Variants in CFAP300 observed in about 807,000 individuals in gnomAD.
CFAP300 encodes the protein cilia- and flagella-associated protein 300.
In CFAP300, 32 loss-of-function variants were observed where a neutral mutation model predicts 33.0. The observed-to-expected ratio is 0.97, with a 90% CI of 0.73 to 1.30. The LOEUF (loss-of-function observed/expected upper bound fraction) is 1.30. Ranked by LOEUF, CFAP300 falls within the 50% of genes most tolerant of loss-of-function variation. CFAP300 has a pLI of 0.00. For missense variants in CFAP300, 356 were observed against 318.1 expected (o/e 1.12, Z -0.90); for synonymous variants, 102 against 106.8 (o/e 0.95, Z 0.28).
Position 102,047,803 on chromosome 11 carries a change from C to T in CFAP300, c.111-12C>T, listed in dbSNP as rs1941905509. On this transcript the variant is annotated splice_polypyrimidine_tract_variant and intron_variant, in intron 1 of 6. Coordinates refer to ENST00000434758, the MANE Select transcript of CFAP300 (RefSeq NM_032930.3). Reference sequence around the variant, plus strand: ...AGCCCCCAGATGATTTCTTTTTCCTCCTCTGCCCCAGGTCCATGCTGGGCA... The same window carrying T: ...AGCCCCCAGATGATTTCTTTTTCCTTCTCTGCCCCAGGTCCATGCTGGGCA... 1.2e-6 allele frequency: 2 copies of T among 1,613,478 alleles called. No individual in the cohort carries two copies. The highest frequency in any genetic ancestry group is 1.7e-6 in the Non-Finnish European group (2 of 1,179,822).
intron 2 of CFAP300, among the ~76,000 whole-genome samples, chr11:102,051,741 G>A (rs1444145229): frequency 1.3e-5 from 2 of 151,982 alleles, no homozygotes; most frequent in African/African-American, 4.8e-5. Context: ...TAGAGACAGG[G>A]TCTCACTATG....
chr11:102,082,538 G>A (rs965679690), intron 6 of CFAP300, among the ~76,000 whole-genome samples: 1 of 152,080 alleles, frequency 6.6e-6, no homozygotes, highest in African/African-American at 2.4e-5. Flanking sequence ...TGTAAGTATA[G>A]TACATATGTA....
At chr11:102,054,471 G>A (rs548638085) in intron 2 of CFAP300, among the ~76,000 whole-genome samples, 1 of 152,174 alleles carries the variant, frequency 6.6e-6, no homozygotes, top group African/African-American at 2.4e-5. Context: ...GGTGGTGCAC[G>A]CCTGTAATCC....
At chr11:102,077,697 C>T (rs571728224) in intron 5 of CFAP300, among the ~76,000 whole-genome samples, 11 of 152,270 alleles carry the variant, frequency 7.2e-5, no homozygotes, top group South Asian at 2.1e-4. Flanking sequence ...GCTTCAGTCT[C>T]CCAAGTAGCT....
intron 6 of CFAP300, among the ~76,000 whole-genome samples, chr11:102,082,472 T>A (rs1028814580): frequency 1.9e-4 from 29 of 152,140 alleles, no homozygotes; most frequent in Non-Finnish European, 1.0e-4. Context: ...GCACTTTTTT[T>A]AAAATGATGG....
chr11:102,053,911 A>G (rs1177843396), intron 2 of CFAP300, among the ~76,000 whole-genome samples: 12 of 152,172 alleles, frequency 7.9e-5, no homozygotes, highest in African/African-American at 2.9e-4. Flanking sequence ...CTTGAATGGA[A>G]TGTATCATCC....
intron 3 of CFAP300, among the ~76,000 whole-genome samples, chr11:102,060,337 A>G (rs1295161106): frequency 2.6e-5 from 4 of 151,244 alleles, no homozygotes; most frequent in Non-Finnish European, 5.9e-5. Flanking sequence ...GGCTGGTCTC[A>G]AACTCCTGGC....
At chr11:102,059,790 G>A (rs1174151483) in intron 3 of CFAP300, among the ~76,000 whole-genome samples, 1 of 151,086 alleles carries the variant, frequency 6.6e-6, no homozygotes, top group Non-Finnish European at 1.5e-5. Context: ...ATTTCTCACA[G>A]AGGAATCAGC....
intron 4 of CFAP300, among the ~76,000 whole-genome samples, chr11:102,075,072 A>C (rs1338889856): frequency 6.6e-6 from 1 of 152,160 alleles, no homozygotes; most frequent in Non-Finnish European, 1.5e-5. Context: ...GGAGTTTGAC[A>C]CCAGCCTGAG....
intron 2 of CFAP300, among the ~76,000 whole-genome samples, chr11:102,056,403 A>G (rs1034181137): frequency 6.6e-6 from 1 of 152,188 alleles, no homozygotes; most frequent in African/African-American, 2.4e-5. Context: ...AGAGGGTTAT[A>G]AAGATTCACA....
rs140721208 is a variant in CFAP300, at chr11:102,070,890, C to T, written c.435+4239C>T. Among the ~76,000 whole-genome samples the T allele has an allele frequency of 4.4e-3, 672 of 152,200 alleles. 4 individuals are homozygous for T. Among genetic ancestry groups the T allele is most frequent in the Middle Eastern group, 0.02 (6 of 294 alleles). ...TTTGTTATTGATTTCTAGTTTTATTCCATTGCAGTATGAGAAGATACTTGG... is the reference window on the plus strand; with the variant it reads ...TTTGTTATTGATTTCTAGTTTTATTTCATTGCAGTATGAGAAGATACTTGG... On this transcript the variant is annotated intron_variant, in intron 4 of 6. Transcript: ENST00000434758.
At chr11:102,058,336 A>G (rs1441248096) in intron 2 of CFAP300, among the ~76,000 whole-genome samples, 1 of 151,778 alleles carries the variant, frequency 6.6e-6, no homozygotes, top group Non-Finnish European at 1.5e-5. Context: ...ACATCATAAC[A>G]AGGTTCGAGG....
chr11:102,065,457 AC>A (rs1565393331), intron 3 of CFAP300, among the ~76,000 whole-genome samples: 1 of 152,060 alleles, frequency 6.6e-6, no homozygotes, highest in African/African-American at 2.4e-5. Context: ...CAAGGACTTT[AC>A]AAATGCTCAT....
chr11:102,062,638 T>C (rs1942164204), intron 3 of CFAP300, among the ~76,000 whole-genome samples: 1 of 152,192 alleles, frequency 6.6e-6, no homozygotes, highest in Non-Finnish European at 1.5e-5. Context: ...TAGTAAAGTA[T>C]GAAAGAAGAG....
chr11:102,077,053 C>A (rs752450130), intron 5 of CFAP300, among the ~76,000 whole-genome samples: 7 of 151,992 alleles, frequency 4.6e-5, no homozygotes, highest in Non-Finnish European at 1.0e-4. Context: ...TTCTAGCACT[C>A]CCTGAAGATA....
At position 102,055,361 on chromosome 11, in the gene CFAP300, C is replaced by CTTTTTTTTT. The variant is rs561779599; in HGVS notation, c.193-3514_193-3506dup. ...ATTTTGTTTTACCACATGCGTTACT[C>CTTTTTTTTT]TTTTTTTTTTTTTGAGATAGGGTCT... is the stretch of plus-strand genomic sequence containing the variant. On this transcript the variant is annotated intron_variant, in intron 2 of 6. Coordinates refer to ENST00000434758, the MANE Select transcript of CFAP300 (RefSeq NM_032930.3). 3.2e-3 allele frequency among the ~76,000 whole-genome samples: 363 copies of CTTTTTTTTT among 113,506 alleles called. 22 individuals are homozygous for CTTTTTTTTT. The highest frequency in any genetic ancestry group is 7.3e-3 in the African/African-American group (199 of 27,110). 74.5% of individuals were successfully genotyped at this position (113,506 alleles called of 152,430 possible).
In CFAP300 at chr11:102,055,419, C is replaced by T. The variant is rs367774093; in HGVS notation, c.193-3461C>T. ...TCACCCAGGCTGGAGTGCAATGGTG[C>T]GATCTCAGCTCACTGCAACCTCCAC... On this transcript the variant is annotated intron_variant, in intron 2 of 6. Coordinates refer to ENST00000434758, the MANE Select transcript of CFAP300 (RefSeq NM_032930.3). 2.5e-4 allele frequency among the ~76,000 whole-genome samples: 33 copies of T among 132,010 alleles called. 1 individual carries two copies. The highest frequency in any genetic ancestry group is 1.6e-3 in the Admixed American group (17 of 10,952). The allele number at this position is 132,010 out of a possible 152,430, so 86.6% of individuals were successfully genotyped here. A position where few individuals can be genotyped will look rare whatever the true frequency, so the allele number is the denominator to read the frequency against.
chr11:102,048,100 A>G (rs1038917557), intron 2 of CFAP300, among the ~76,000 whole-genome samples: 2 of 152,156 alleles, frequency 1.3e-5, no homozygotes, highest in Non-Finnish European at 2.9e-5. Context: ...CATTTAGTTC[A>G]TTCTTTCTCT....
At position 102,075,892 on chromosome 11, in the gene CFAP300, C is replaced by T. The variant is rs759364993; in HGVS notation, c.455C>T (p.Ser152Leu). 2 of 1,611,232 alleles carry T rather than the reference C, an allele frequency of 1.2e-6. No homozygotes were observed. Among genetic ancestry groups the T allele is most frequent in the Non-Finnish European group, 1.7e-6 (2 of 1,179,030 alleles). ...TCTTAGGTTTTGCTAGTGGAAGACT[C>T]AGAAAAATATGAAATATTCAGCCAA... ...ELRRVLLVED[S>L]EKYEIFSQPD... Residue 152 changes from serine (S) to leucine (L), a missense_variant, in exon 5 of 7, where the codon TCA becomes TTA. Physicochemically the swap from Ser to Leu is moderately radical, Grantham distance 145 (BLOSUM62 -2). Transcript: ENST00000434758.
Sources: allele counts gnomAD v4.1 joint callset (sites outside exome capture counted in the v4.1 genomes callset), GRCh38; gene constraint gnomAD v4.1.1; transcripts MANE v1.5; gene names NCBI Gene and HGNC (gene_info 2026-07-23, HGNC 2026-07-21).